Variants in IL1RAPL1 observed in about 807,000 individuals in gnomAD.
The protein encoded by IL1RAPL1 is interleukin-1 receptor accessory protein-like 1.
In IL1RAPL1, 3 loss-of-function variants were observed where a neutral mutation model predicts 48.4. The ratio of observed to expected loss-of-function variants is 0.06; its 90% CI spans 0.03 to 0.16. The LOEUF is 0.16. IL1RAPL1 is among the 10% of genes least tolerant of loss of function. The pLI is 1.00. For synonymous variants in IL1RAPL1, 185 were observed against 187.7 expected, an observed-to-expected ratio of 0.99 and a Z score of 0.12; for missense variants, 349 against 530.6, an observed-to-expected ratio of 0.66 and a Z score of 3.36.
At chrX:28,659,190 C>G (rs1170427603) in intron 1 of IL1RAPL1, 3 of 739,607 alleles carry the variant, frequency 4.1e-6, no homozygotes, top group South Asian at 2.2e-5. Context: ...TCAGTTGCCT[C>G]CTGCAAAGCA....
intron 5 of IL1RAPL1, among the ~76,000 whole-genome samples, chrX:29,518,814 G>A (rs754454782): frequency 2.7e-5 from 3 of 111,869 alleles, no homozygotes; most frequent in East Asian, 2.8e-4. Flanking sequence ...TCCAACGTAC[G>A]TATTTAAAAA....
At chrX:29,473,960 C>T (rs1221239194) in intron 5 of IL1RAPL1, among the ~76,000 whole-genome samples, 3 of 111,050 alleles carry the variant, frequency 2.7e-5, no homozygotes, top group Non-Finnish European at 5.7e-5. Context: ...TAAACAGCTA[C>T]TTTTTTCCCC....
intron 5 of IL1RAPL1, among the ~76,000 whole-genome samples, chrX:29,463,194 CAA>C (rs66924300): frequency 1.2e-3 from 123 of 99,189 alleles, no homozygotes; most frequent in South Asian, 3.9e-3. Context: ...GATGCTTTAT[CAA>C]AAAAAAAAAA....
intron 2 of IL1RAPL1, among the ~76,000 whole-genome samples, chrX:29,195,557 C>CT (rs756993767): frequency 0.46 from 36,716 of 79,780 alleles, 8,427 homozygotes; most frequent in South Asian, 0.6. Context: ...TAACTAATTA[C>CT]TTTTTTTTTT....
At chrX:28,873,970 T>TAAAAAAAAAAAA (rs59999767) in intron 2 of IL1RAPL1, among the ~76,000 whole-genome samples, 1 of 76,910 alleles carries the variant, frequency 1.3e-5, no homozygotes. Flanking sequence ...GCTTCTCCAG[T>TAAAAAAAAAAAA]AAAAAAAAAA....
intron 1 of IL1RAPL1, among the ~76,000 whole-genome samples, chrX:28,624,380 C>T (rs764910954): frequency 3.0e-4 from 33 of 111,652 alleles, no homozygotes; most frequent in Non-Finnish European, 5.1e-4. Context: ...TGTATTTTAG[C>T]CAAAACTTCT....
intron 6 of IL1RAPL1, among the ~76,000 whole-genome samples, chrX:29,868,549 C>T (rs1442207782): frequency 8.9e-6 from 1 of 111,915 alleles, no homozygotes; most frequent in Non-Finnish European, 1.9e-5. Context: ...ACATGGTTAG[C>T]ACTCATTTGG....
chrX:29,522,284 C>T lies in IL1RAPL1; in HGVS notation c.703+122976C>T, dbSNP rs535198144. ...AGGCAATCCTCCCATCTCAGTGTCC[C>T]GAGTGGCTGGGACTACAGGTGCATA... is the stretch of plus-strand genomic sequence containing the variant. On this transcript the variant is annotated intron_variant, in intron 5 of 10. Coordinates refer to ENST00000378993, the MANE Select transcript of IL1RAPL1 (RefSeq NM_014271.4). Among the ~76,000 whole-genome samples, 10 of 111,123 alleles carry T rather than the reference C, an allele frequency of 9.0e-5. No homozygotes were observed. The South Asian group carries it at 3.1e-3, about 35-fold the overall frequency.
intron 5 of IL1RAPL1, among the ~76,000 whole-genome samples, chrX:29,451,638 A>G (rs1209476364): frequency 1.8e-5 from 2 of 111,769 alleles, no homozygotes; most frequent in Non-Finnish European, 3.8e-5. Context: ...GTATATATGT[A>G]CACATACATG....
intron 8 of IL1RAPL1, among the ~76,000 whole-genome samples, chrX:29,932,782 TTTA>T (rs750214426): frequency 1.5e-3 from 171 of 111,776 alleles, no homozygotes; most frequent in African/African-American, 5.1e-3. Flanking sequence ...ATTATTATTA[TTTA>T]TTATTATCTG....
intron 3 of IL1RAPL1, among the ~76,000 whole-genome samples, chrX:29,355,437 T>C (rs1329202928): frequency 8.9e-6 from 1 of 112,215 alleles, no homozygotes; most frequent in Non-Finnish European, 1.9e-5. Context: ...TTATCAGATA[T>C]ATTTTTCTGA....
At chrX:29,305,864 GAATA>G (rs1932608879) in intron 3 of IL1RAPL1, among the ~76,000 whole-genome samples, 1 of 112,195 alleles carries the variant, frequency 8.9e-6, no homozygotes, top group Admixed American at 9.4e-5. Flanking sequence ...CACAGAATAT[GAATA>G]AATGAATGAA....
chrX:29,169,495 T>C (rs1192670542), intron 2 of IL1RAPL1, among the ~76,000 whole-genome samples: 1 of 110,451 alleles, frequency 9.1e-6, no homozygotes, highest in East Asian at 2.8e-4. Context: ...CAAAATCTCA[T>C]ATGAAAAAAA....
chrX:29,172,758 C>T (rs184589850), intron 2 of IL1RAPL1, among the ~76,000 whole-genome samples: 6 of 111,790 alleles, frequency 5.4e-5, no homozygotes, highest in South Asian at 3.7e-4. Flanking sequence ...TGTGATTAAA[C>T]ATTGACAAGC....
intron 8 of IL1RAPL1, among the ~76,000 whole-genome samples, chrX:29,931,037 ACTT>A (rs1486134642): frequency 1.8e-5 from 2 of 111,548 alleles, no homozygotes; most frequent in Admixed American, 9.6e-5. Flanking sequence ...TGAGCCACAG[ACTT>A]CTTCTCAAGT....
chrX:28,772,299 G>A (rs1936318438), intron 1 of IL1RAPL1, among the ~76,000 whole-genome samples: 1 of 111,525 alleles, frequency 9.0e-6, no homozygotes, highest in Non-Finnish European at 1.9e-5. Flanking sequence ...TCTGCATGAT[G>A]TTGATGAGAA....
intron 5 of IL1RAPL1, among the ~76,000 whole-genome samples, chrX:29,462,156 T>G (rs932929614): frequency 1.8e-5 from 2 of 111,881 alleles, no homozygotes; most frequent in African/African-American, 3.3e-5. Context: ...AGTAAAACTT[T>G]TTTTTTGCAG....
intron 6 of IL1RAPL1, among the ~76,000 whole-genome samples, chrX:29,895,556 A>G (rs1246003420): frequency 8.9e-6 from 1 of 112,790 alleles, no homozygotes; most frequent in East Asian, 2.8e-4. Context: ...CGTCTCAAAG[A>G]AAAAAAGCTA....
chrX:29,796,179 A>T (rs1929738332), intron 6 of IL1RAPL1, among the ~76,000 whole-genome samples: 1 of 112,241 alleles, frequency 8.9e-6, no homozygotes, highest in African/African-American at 3.2e-5. Flanking sequence ...TATCAACAGA[A>T]CTTTCCATAA....
Sources: gnomAD v4.1 joint callset for allele counts (sites outside exome capture counted in the v4.1 genomes callset) on GRCh38, gnomAD v4.1.1 for gene constraint, MANE v1.5 for transcripts, NCBI Gene and HGNC (gene_info 2026-07-23, HGNC 2026-07-21) for gene names.